Variants in LRIG1 observed in about 807,000 individuals in gnomAD.
LRIG1 encodes leucine-rich repeats and immunoglobulin-like domains protein 1.
A neutral mutation model predicts 99.2 loss-of-function variants in LRIG1; 48 were observed. The ratio of observed to expected loss-of-function variants is 0.48; its 90% CI spans 0.38 to 0.62. The LOEUF is 0.62. LRIG1 is among the 20% of genes least tolerant of loss of function. LRIG1 has a pLI of 0.00. For missense variants in LRIG1, 1,646 were observed against 1,434.4 expected (o/e 1.15, Z -2.38); for synonymous variants, 772 against 596.1 (o/e 1.29, Z -4.30).
At position 66,417,168 on chromosome 3, in the gene LRIG1, C is replaced by T. The variant is rs368504090; in HGVS notation, c.464G>A (p.Arg155Gln). The T allele has an allele frequency of 2.0e-5, 33 of 1,614,046 alleles. No homozygotes were observed. Among genetic ancestry groups the T allele is most frequent in the Non-Finnish European group, 2.3e-5 (27 of 1,180,042 alleles). The change falls in exon 4 of 19, where the codon CGG (arginine) becomes CAG (glutamine). Residue 155 changes from arginine to glutamine, a missense_variant. Coordinates refer to ENST00000273261, the MANE Select transcript of LRIG1 (RefSeq NM_015541.3). ...CGGTCCGTGTGGAAAGCAGGTGTTC[C>T]GCACTTCCGTGATGTTGTTCAAACT... is the stretch of plus-strand genomic sequence containing the variant. ...DLSLNNITEV[R>Q]NTCFPHGPPI...
intron 1 of LRIG1, among the ~76,000 whole-genome samples, chr3:66,486,206 T>C (rs1700971044): frequency 6.6e-6 from 1 of 152,196 alleles, no homozygotes. Context: ...TCCTCAAGCT[T>C]CTGCTTGTGT....
intron 1 of LRIG1, among the ~76,000 whole-genome samples, chr3:66,499,083 C>T (rs1170445241): frequency 6.6e-6 from 1 of 152,154 alleles, no homozygotes; most frequent in African/African-American, 2.4e-5. Context: ...TAAGCTAGGC[C>T]TTTTCTGGAA....
chr3:66,449,132 T>C lies in LRIG1; in HGVS notation c.365+2427A>G, dbSNP rs556574735. Among the ~76,000 whole-genome samples, 5 of 152,356 alleles carry C rather than the reference T, an allele frequency of 3.3e-5. No individual in the cohort carries two copies. In the East Asian group the frequency reaches 9.6e-4, roughly 29 times the overall value. On this transcript the variant is annotated intron_variant, in intron 3 of 18. Coordinates refer to ENST00000273261, the MANE Select transcript of LRIG1 (RefSeq NM_015541.3). Reference sequence around the variant, plus strand: ...TGATGCTCATCCACTGCCTGCTCTGTTGTTTTCTCCCTTGTCCTTTGCACG... The same window carrying C: ...TGATGCTCATCCACTGCCTGCTCTGCTGTTTTCTCCCTTGTCCTTTGCACG...
At chr3:66,382,451 A>C (rs770341968) in intron 15 of LRIG1, 53 bp from the exon 16 acceptor site, 13 of 1,606,966 alleles carry the variant, frequency 8.1e-6, no homozygotes, top group Non-Finnish European at 1.1e-5. Context: ...CAAGAAATGC[A>C]GACACACGTT....
intron 3 of LRIG1, among the ~76,000 whole-genome samples, chr3:66,425,919 T>C (rs1255456807): frequency 6.6e-6 from 1 of 152,210 alleles, no homozygotes; most frequent in Non-Finnish European, 1.5e-5. Context: ...AGAGCTGATG[T>C]TAAATTAGAC....
In LRIG1 at chr3:66,427,506, T is replaced by C. The variant is rs368806620; in HGVS notation, c.366-10240A>G. Among the ~76,000 whole-genome samples, 8 of 152,268 alleles carry C rather than the reference T, an allele frequency of 5.3e-5. No homozygotes were observed. In the South Asian group the frequency reaches 1.0e-3, roughly 20 times the overall value. Reference sequence around the variant, plus strand: ...ACATGAAGGTGATGATTTCTCCTTGTCAGAAGACACAGGCTGGGCACAGTG... The same window carrying C: ...ACATGAAGGTGATGATTTCTCCTTGCCAGAAGACACAGGCTGGGCACAGTG... On this transcript the variant is annotated intron_variant, in intron 3 of 18. Coordinates refer to ENST00000273261, the MANE Select transcript of LRIG1 (RefSeq NM_015541.3).
Position 66,381,479 on chromosome 3 carries a change from C to T in LRIG1, c.2770G>A (p.Glu924Lys). Residue 924 changes from glutamate to lysine, a missense_variant and splice_region_variant, in exon 17 of 19, where the codon GAA (glutamate) becomes AAA (lysine). Coordinates refer to ENST00000273261, the MANE Select transcript of LRIG1 (RefSeq NM_015541.3). ...ACTTCCAATGGGAAGCATCTCATACCCATCTTATGTGGCCCAGGTGTCCCT... is the reference window on the plus strand; with the variant it reads ...ACTTCCAATGGGAAGCATCTCATACTCATCTTATGTGGCCCAGGTGTCCCT... ...AEGTPGPHKM[E>K]HGGRVVCSDC... The T allele has an allele frequency of 6.2e-7, 1 of 1,611,810 alleles. No homozygotes were observed. The highest frequency in any genetic ancestry group is 8.5e-7 in the Non-Finnish European group (1 of 1,178,160).
At chr3:66,482,034 A>C (rs1437629055) in intron 1 of LRIG1, among the ~76,000 whole-genome samples, 1 of 152,254 alleles carries the variant, frequency 6.6e-6, no homozygotes, top group African/African-American at 2.4e-5. Flanking sequence ...CAGCCACGCT[A>C]ATCTGCGCTG....
chr3:66,416,469 G>T (rs1486488992), intron 4 of LRIG1, among the ~76,000 whole-genome samples: 5 of 152,116 alleles, frequency 3.3e-5, no homozygotes, highest in African/African-American at 1.2e-4. Context: ...TTTAGCCTGG[G>T]GTTGCAGTTT....
At chr3:66,392,189 C>A (rs1701645784) in intron 12 of LRIG1, among the ~76,000 whole-genome samples, 1 of 152,206 alleles carries the variant, frequency 6.6e-6, no homozygotes, top group Non-Finnish European at 1.5e-5. Flanking sequence ...TTTGTTTATC[C>A]AGTCATCCAC....
At chr3:66,382,437 G>C (rs377464084) in intron 15 of LRIG1, 39 bp from the exon 16 acceptor site, 11 of 1,613,458 alleles carry the variant, frequency 6.8e-6, no homozygotes, top group African/African-American at 1.3e-5. Context: ...CAGGGTCTCA[G>C]TGACAAGAAA....
At chr3:66,459,182 G>A (rs1700300036) in intron 2 of LRIG1, among the ~76,000 whole-genome samples, 1 of 152,192 alleles carries the variant, frequency 6.6e-6, no homozygotes, top group Non-Finnish European at 1.5e-5. Flanking sequence ...TGAAGGAAAG[G>A]TGGGAGTGCT....
intron 1 of LRIG1, among the ~76,000 whole-genome samples, chr3:66,483,565 T>C (rs907004220): frequency 6.6e-6 from 1 of 152,194 alleles, no homozygotes; most frequent in Non-Finnish European, 1.5e-5. Flanking sequence ...TGGTCATCCT[T>C]TTTGTCAAAG....
intron 3 of LRIG1, 131 bp downstream of exon 3, chr3:66,451,428 C>T (rs1191032944): frequency 2.9e-6 from 2 of 690,216 alleles, no homozygotes; most frequent in Non-Finnish European, 5.0e-6. Flanking sequence ...ATCATGAGGG[C>T]CACATGAAGA....
intron 7 of LRIG1, chr3:66,409,671 CCA>C (rs2106666077): frequency 6.4e-6 from 1 of 155,640 alleles, no homozygotes; most frequent in South Asian, 2.0e-4. Flanking sequence ...ACAAATTCAT[CCA>C]CAGTCAGCGT....
At chr3:66,462,345 G>T in intron 2 of LRIG1, 93 bp downstream of exon 2, 1 of 866,474 alleles carries the variant, frequency 1.2e-6, no homozygotes, top group Non-Finnish European at 1.9e-6. Context: ...TTACACTGCG[G>T]ATCTAGGGGA....
chr3:66,425,557 C>T (rs1252298647), intron 3 of LRIG1, among the ~76,000 whole-genome samples: 1 of 151,998 alleles, frequency 6.6e-6, no homozygotes, highest in East Asian at 1.9e-4. Flanking sequence ...CAAAGGGATC[C>T]ACTTAAGTTT....
At chr3:66,480,475 A>G (rs1700824174) in intron 1 of LRIG1, among the ~76,000 whole-genome samples, 1 of 152,068 alleles carries the variant, frequency 6.6e-6, no homozygotes, top group Non-Finnish European at 1.5e-5. Context: ...AGCTATTTAA[A>G]AAAAAAAAAA....
At chr3:66,441,270 G>C (rs1703529401) in intron 3 of LRIG1, among the ~76,000 whole-genome samples, 1 of 152,166 alleles carries the variant, frequency 6.6e-6, no homozygotes, top group Non-Finnish European at 1.5e-5. Context: ...GTTTGGGTTT[G>C]AAAGGCATCC....
Sources: gnomAD v4.1 joint callset for allele counts (sites outside exome capture counted in the v4.1 genomes callset) on GRCh38, gnomAD v4.1.1 for gene constraint, MANE v1.5 for transcripts, NCBI Gene and HGNC (gene_info 2026-07-23, HGNC 2026-07-21) for gene names.